Variants in OCA2 observed in about 807,000 individuals in gnomAD.
The protein encoded by OCA2 is OCA2 melanosomal transmembrane protein.
A neutral mutation model predicts 100.2 loss-of-function variants in OCA2; 77 were observed. That is an observed-to-expected ratio of 0.77 (90% confidence interval 0.64 to 0.93). OCA2 has a LOEUF of 0.93. Among genes scored for constraint, OCA2 ranks in the 40% least tolerant of loss-of-function variants. The pLI is 0.00. For missense variants in OCA2, 1,062 were observed against 1,089.1 expected, an observed-to-expected ratio of 0.98 and a Z score of 0.35; for synonymous variants, 432 against 439.2, an observed-to-expected ratio of 0.98 and a Z score of 0.21.
chr15:27,742,253 C>G, the OCA2 span, among the ~76,000 whole-genome samples: 1 of 152,106 alleles, frequency 6.6e-6, no homozygotes, highest in Non-Finnish European at 1.5e-5. Context: ...GCAAATGGGG[C>G]CTCTCTGGCT....
At chr15:27,959,584 T>C (rs554287444) in intron 15 of OCA2, among the ~76,000 whole-genome samples, 1 of 152,314 alleles carries the variant, frequency 6.6e-6, no homozygotes, top group South Asian at 2.1e-4. Context: ...AAGCAGCTGA[T>C]CAGCTTTAAA....
chr15:27,823,378 TATAAATAAGTC>T (rs1465391597), intron 23 of OCA2, among the ~76,000 whole-genome samples: 1 of 141,784 alleles, frequency 7.1e-6, no homozygotes, highest in Non-Finnish European at 1.6e-5. Context: ...CACGGATTTG[TATAAATAAGTC>T]ATATGCCGAT....
intron 9 of OCA2, among the ~76,000 whole-genome samples, chr15:27,997,240 G>GGAAAGAAAGAAAGAAAGAAAGAAA (rs35919216): frequency 3.0e-4 from 43 of 145,428 alleles, no homozygotes; most frequent in African/African-American, 1.1e-3. Context: ...GAAGGAAGGA[G>GGAAAGAAAGAAAGAAAGAAAGAAA]GAAAGAAAGA....
At chr15:28,070,341 C>T (rs1338284991) in intron 2 of OCA2, among the ~76,000 whole-genome samples, 9 of 143,008 alleles carry the variant, frequency 6.3e-5, no homozygotes, top group South Asian at 4.7e-4. Flanking sequence ...CCCGGCCAGC[C>T]GCCCCGTCCG....
intron 2 of OCA2, among the ~76,000 whole-genome samples, chr15:28,042,085 T>C (rs2043218664): frequency 6.6e-6 from 1 of 152,214 alleles, no homozygotes; most frequent in African/African-American, 2.4e-5. Context: ...AACCTATCCA[T>C]ATGTTACATA....
chr15:28,016,043 C>T, intron 8 of OCA2, 61 bp downstream of exon 8: 10 of 1,348,990 alleles, frequency 7.4e-6, no homozygotes, highest in African/African-American at 1.4e-5. Flanking sequence ...ATAGGTCAGA[C>T]TCCTTTAAAC....
intron 2 of OCA2, among the ~76,000 whole-genome samples, chr15:28,072,105 C>T (rs993526321): frequency 1.3e-5 from 2 of 152,338 alleles, no homozygotes; most frequent in East Asian, 1.9e-4. Context: ...CAGTGGCTCA[C>T]GCCTGTAATC....
At chr15:28,082,424 C>A (rs933260049) in intron 1 of OCA2, among the ~76,000 whole-genome samples, 1 of 152,180 alleles carries the variant, frequency 6.6e-6, no homozygotes, top group Non-Finnish European at 1.5e-5. Context: ...GGAAGGTCTG[C>A]AGCATCATTC....
intron 23 of OCA2, among the ~76,000 whole-genome samples, chr15:27,822,287 T>C (rs2034537041): frequency 6.6e-6 from 1 of 152,358 alleles, no homozygotes; most frequent in South Asian, 2.1e-4. Context: ...ATTAAAATCA[T>C]ATATGCACTT....
rs1216473361 is a variant in OCA2, at chr15:27,897,143, C to T, written c.2080-25221G>A. On this transcript the variant is annotated intron_variant, in intron 19 of 23. Transcript: ENST00000354638. ...AGGGGGAGCTTGCAGTGAGACGAGA[C>T]GGTGCCACTACACCCTAGCCTGGGC... 4.7e-5 allele frequency among the ~76,000 whole-genome samples: 7 copies of T among 149,542 alleles called. No individual in the cohort carries two copies. The South Asian group carries it at 6.4e-4, about 14-fold the overall frequency.
intron 2 of OCA2, among the ~76,000 whole-genome samples, chr15:28,046,528 G>A (rs553398214): frequency 2.6e-4 from 40 of 152,226 alleles, no homozygotes; most frequent in African/African-American, 7.9e-4. Flanking sequence ...AGCCCCAGTC[G>A]CATCATGCTC....
intron 14 of OCA2, among the ~76,000 whole-genome samples, chr15:27,974,817 G>T (rs2040914800): frequency 6.6e-6 from 1 of 152,170 alleles, no homozygotes; most frequent in African/African-American, 2.4e-5. Context: ...GACAAGGAAT[G>T]CTGTCTTCAG....
intron 23 of OCA2, among the ~76,000 whole-genome samples, chr15:27,844,219 T>A (rs2035449673): frequency 1.3e-5 from 2 of 152,112 alleles, no homozygotes; most frequent in African/African-American, 2.4e-5. Flanking sequence ...GAGGGCCTCA[T>A]CTCTGCACAG....
Position 27,966,758 on chromosome 15 carries a change from C to T in OCA2, c.1568G>A (p.Cys523Tyr), listed in dbSNP as rs778609798. Residue 523 changes from cysteine to tyrosine, a missense_variant, in exon 15 of 24, where the codon TGC becomes TAC. Coordinates refer to ENST00000354638, the MANE Select transcript of OCA2 (RefSeq NM_000275.3). ...FIGICLVLLV[C>Y]FPLLRLLYWN... ...GTAAAGGAGTCTGAGGAGCGGAAAG[C>T]AGACCAGGAGAACAAGGCAAATCCC... 5 of 1,613,780 alleles carry T rather than the reference C, an allele frequency of 3.1e-6. No individual in the cohort carries two copies. Among genetic ancestry groups the T allele is most frequent in the Non-Finnish European group, 4.2e-6 (5 of 1,179,994 alleles).
intron 19 of OCA2, among the ~76,000 whole-genome samples, chr15:27,889,563 A>C (rs146939882): frequency 6.6e-6 from 1 of 152,080 alleles, no homozygotes; most frequent in African/African-American, 2.4e-5. Context: ...TTTCTCCTTC[A>C]CACTTCTGAG....
At position 27,791,745 on chromosome 15, in the gene OCA2, G is replaced by A. The variant is rs371347269; in HGVS notation, c.2433-36273C>T. Among the ~76,000 whole-genome samples, 53 of 152,274 alleles carry A rather than the reference G, an allele frequency of 3.5e-4. No individual in the cohort carries two copies. In the East Asian group the frequency reaches 6.2e-3, roughly 18 times the overall value. The stretch of plus-strand genomic sequence containing the variant: ...AGATTCAGATGGCCAGTCAGGAGGT[G>A]GCCCCAGCAGAGGGACTCTTGAGCA... On this transcript the variant is annotated intron_variant, in intron 23 of 23. Transcript: ENST00000354638.
At chr15:27,922,926 C>T (rs530133921) in intron 19 of OCA2, among the ~76,000 whole-genome samples, 81 of 152,128 alleles carry the variant, frequency 5.3e-4, no homozygotes, top group Admixed American at 2.2e-3. Context: ...TTAAGCCTAG[C>T]ACCCATTACT....
intron 19 of OCA2, among the ~76,000 whole-genome samples, chr15:27,922,728 T>C (rs1378642063): frequency 6.6e-6 from 1 of 151,302 alleles, no homozygotes. Flanking sequence ...TGTGTTTCTG[T>C]GTTTGTTTCT....
intron 23 of OCA2, among the ~76,000 whole-genome samples, chr15:27,802,099 G>A (rs2033639819): frequency 6.6e-6 from 1 of 152,140 alleles, no homozygotes; most frequent in Admixed American, 6.5e-5. Flanking sequence ...AGTAAGTGTA[G>A]TAAGGCTGCA....
Sources: gnomAD v4.1 joint callset for allele counts (sites outside exome capture counted in the v4.1 genomes callset) on GRCh38, gnomAD v4.1.1 for gene constraint, MANE v1.5 for transcripts, NCBI Gene and HGNC (gene_info 2026-07-23, HGNC 2026-07-21) for gene names.